The following GTF2IRD1 variants were observed in gnomAD, a reference collection of about 807,000 sequenced individuals.
GTF2IRD1 encodes general transcription factor II-I repeat domain-containing protein 1.
Under a neutral mutation model 113.2 loss-of-function variants are expected in GTF2IRD1, and 26 were observed. The ratio of observed to expected loss-of-function variants is 0.23; its 90% CI spans 0.17 to 0.32. GTF2IRD1 has a LOEUF of 0.32. Among genes scored for constraint, GTF2IRD1 ranks in the 10% least tolerant of loss-of-function variants. The probability of loss-of-function intolerance (pLI) is 1.00; values close to 1 mark genes in which losing one functional copy is unlikely to be tolerated. For missense variants in GTF2IRD1, 864 were observed against 1,280.8 expected (o/e 0.67, Z 4.97); for synonymous variants, 484 against 529.1 (o/e 0.91, Z 1.17).
intron 22 of GTF2IRD1, among the ~76,000 whole-genome samples, chr7:74,560,649 A>C (rs765525215): frequency 3.4e-4 from 51 of 151,822 alleles, no homozygotes; most frequent in Non-Finnish European, 5.4e-4. Flanking sequence ...CAATGGCACT[A>C]TCTCTGCTCA....
chr7:74,471,759 C>G (rs976888853), intron 1 of GTF2IRD1, among the ~76,000 whole-genome samples: 15 of 150,838 alleles, frequency 9.9e-5, no homozygotes, highest in African/African-American at 3.7e-4. Context: ...TTTGGGAGGC[C>G]AAGGCGGGCA....
At chr7:74,536,381 C>T (rs1554350228) in intron 11 of GTF2IRD1, 106 bp downstream of exon 11, 4 of 651,566 alleles carry the variant, frequency 6.1e-6, no homozygotes, top group African/African-American at 3.6e-5. Context: ...CACACCACCA[C>T]CCCTCGAAGG....
chr7:74,518,904 G>A (rs1228018962), intron 5 of GTF2IRD1, among the ~76,000 whole-genome samples: 1 of 151,980 alleles, frequency 6.6e-6, no homozygotes, highest in Non-Finnish European at 1.5e-5. Context: ...AAAAAATATG[G>A]CATTTTAGGT....
chr7:74,465,293 C>G (rs1793640967), intron 1 of GTF2IRD1, among the ~76,000 whole-genome samples: 1 of 152,150 alleles, frequency 6.6e-6, no homozygotes, highest in African/African-American at 2.4e-5. Flanking sequence ...GCCACCAGCT[C>G]CCTGAGATAT....
chr7:74,469,804 A>G (rs1429793667), intron 1 of GTF2IRD1, among the ~76,000 whole-genome samples: 3 of 151,882 alleles, frequency 2.0e-5, no homozygotes, highest in Non-Finnish European at 1.5e-5. Flanking sequence ...CCTGGGTTCA[A>G]GGGATCCTCC....
chr7:74,512,799 C>A lies in GTF2IRD1; in HGVS notation c.124-31C>A. Reference sequence around the variant, plus strand: ...AGAGGTGTTCGGAGTATGGGGAGCCCTTCCGCTCACACAGCCTGCCCTTCC... The same window carrying A: ...AGAGGTGTTCGGAGTATGGGGAGCCATTCCGCTCACACAGCCTGCCCTTCC... On this transcript the variant is annotated intron_variant, in intron 2 of 26. Coordinates refer to ENST00000424337, the MANE Select transcript of GTF2IRD1 (RefSeq NM_005685.4). This position sits in a 1 kb window ranked among gnomAD's most constrained non-coding sequence, Gnocchi z 4.4. 6.2e-7 allele frequency: 1 copy of A among 1,609,876 alleles called. No homozygotes were observed. Among genetic ancestry groups the A allele is most frequent in the South Asian group, 1.1e-5 (1 of 90,886 alleles).
At chr7:74,542,538 T>G (rs1798691303) in intron 14 of GTF2IRD1, among the ~76,000 whole-genome samples, 1 of 152,230 alleles carries the variant, frequency 6.6e-6, no homozygotes, top group Non-Finnish European at 1.5e-5. Flanking sequence ...AGCAAAACAG[T>G]AGCAGTGTTA....
At chr7:74,504,651 T>A (rs764459863) in intron 1 of GTF2IRD1, among the ~76,000 whole-genome samples, 3 of 151,682 alleles carry the variant, frequency 2.0e-5, no homozygotes, top group Non-Finnish European at 2.9e-5. Flanking sequence ...GATAGAGTGA[T>A]GCTGGAAGAA....
At chr7:74,573,112 A>G (rs781924708) in intron 22 of GTF2IRD1, among the ~76,000 whole-genome samples, 10 of 152,278 alleles carry the variant, frequency 6.6e-5, no homozygotes, top group Non-Finnish European at 7.4e-5. Context: ...AGCCTTTATT[A>G]GATGGGCTTC....
At chr7:74,478,478 CAG>C (rs1477301273) in intron 1 of GTF2IRD1, among the ~76,000 whole-genome samples, 1 of 152,042 alleles carries the variant, frequency 6.6e-6, no homozygotes, top group Admixed American at 6.6e-5. Flanking sequence ...TGTTTAGAGA[CAG>C]GGTCTTGCTC....
At chr7:74,485,905 G>A (rs1358677751) in intron 1 of GTF2IRD1, among the ~76,000 whole-genome samples, 2 of 151,972 alleles carry the variant, frequency 1.3e-5, no homozygotes, top group Non-Finnish European at 1.5e-5. Flanking sequence ...CAGCCTCGGT[G>A]ACAGAGTGAG....
rs587724039 is a variant in GTF2IRD1 at position 74,545,896 on chromosome 7, T to C, written c.1732+87T>C. The C allele has an allele frequency of 1.7e-4, 161 of 942,454 alleles. No homozygotes were observed. The African/African-American group carries it at 1.9e-3, about 11-fold the overall frequency. 58.4% of individuals were successfully genotyped at this position (942,454 alleles called of 1,614,324 possible). ...CAGAAGGGCTTTGGTCGCATCCCCTTGCCTGTTCCCATCCCAGCTGTTCTC... is the reference window on the plus strand; with the variant it reads ...CAGAAGGGCTTTGGTCGCATCCCCTCGCCTGTTCCCATCCCAGCTGTTCTC... On this transcript the variant is annotated intron_variant, in intron 16 of 26. Coordinates refer to ENST00000424337, the MANE Select transcript of GTF2IRD1 (RefSeq NM_005685.4).
chr7:74,515,862 G>C (rs587702115), intron 4 of GTF2IRD1, among the ~76,000 whole-genome samples: 5 of 152,290 alleles, frequency 3.3e-5, no homozygotes, highest in Admixed American at 2.6e-4. Context: ...AATAGCCCCA[G>C]GCTTGCCACG....
intron 1 of GTF2IRD1, among the ~76,000 whole-genome samples, chr7:74,471,164 G>A (rs1794058980): frequency 6.6e-6 from 1 of 152,198 alleles, no homozygotes; most frequent in African/African-American, 2.4e-5. Context: ...GTTTGCCTGG[G>A]AGTGGGAGAG....
chr7:74,578,733 T>C (rs1801232982), intron 22 of GTF2IRD1, among the ~76,000 whole-genome samples: 1 of 152,162 alleles, frequency 6.6e-6, no homozygotes, highest in South Asian at 2.1e-4. Flanking sequence ...CGATGGCTCA[T>C]GTCTGTAAAC....
chr7:74,510,850 A>T (rs555969858), intron 2 of GTF2IRD1, among the ~76,000 whole-genome samples: 1 of 150,858 alleles, frequency 6.6e-6, no homozygotes, highest in East Asian at 2.0e-4. Context: ...GGAGTTTGAG[A>T]CCAGCCTGGC....
At position 74,522,962 on chromosome 7, in the gene GTF2IRD1, G is replaced by C. The variant is rs920849538; in HGVS notation, c.1007-1109G>C. On this transcript the variant is annotated intron_variant, in intron 7 of 26. Coordinates refer to ENST00000424337, the MANE Select transcript of GTF2IRD1 (RefSeq NM_005685.4). ...CAATCAAGACAGAGGTTTTGAGAGAGAGACCAGCAGAGCTGAGAGTTTGGG... is the reference window on the plus strand; with the variant it reads ...CAATCAAGACAGAGGTTTTGAGAGACAGACCAGCAGAGCTGAGAGTTTGGG... Among the ~76,000 whole-genome samples, 8 of 152,198 alleles carry C rather than the reference G, an allele frequency of 5.3e-5. No individual in the cohort carries two copies. The East Asian group carries it at 1.3e-3, about 26-fold the overall frequency.
At chr7:74,472,929 C>A (rs1000891531) in intron 1 of GTF2IRD1, among the ~76,000 whole-genome samples, 3 of 152,110 alleles carry the variant, frequency 2.0e-5, no homozygotes, top group African/African-American at 2.4e-5. Flanking sequence ...TGCAGCGTAC[C>A]CTGGACAGGG....
chr7:74,488,758 A>G (rs1180932224), intron 1 of GTF2IRD1, among the ~76,000 whole-genome samples: 8 of 149,706 alleles, frequency 5.3e-5, no homozygotes, highest in Non-Finnish European at 3.0e-5. Flanking sequence ...AGAAGAAAAA[A>G]AGAGAGAGAG....
Sources: gnomAD v4.1 joint callset for allele counts (sites outside exome capture counted in the v4.1 genomes callset) on GRCh38, gnomAD v4.1.1 for gene constraint, Gnocchi (gnomAD v3.1) non-coding constraint, MANE v1.5 for transcripts, NCBI Gene and HGNC (gene_info 2026-07-23, HGNC 2026-07-21) for gene names.